Variants in DGCR2 observed in about 807,000 individuals in gnomAD.
DGCR2 encodes DiGeorge syndrome critical region gene 2, also known as integral membrane protein DGCR2/IDD.
A neutral mutation model predicts 51.6 loss-of-function variants in DGCR2; 24 were observed. That is an observed-to-expected ratio of 0.47 (90% CI 0.34 to 0.65). The LOEUF is 0.65. Ranked by LOEUF, DGCR2 falls within the 30% of genes least tolerant of loss-of-function variation. The pLI is 0.01. For synonymous variants in DGCR2, 340 were observed against 315.4 expected, an observed-to-expected ratio of 1.08 and a Z score of -0.82; for missense variants, 765 against 772.1, an observed-to-expected ratio of 0.99 and a Z score of 0.11.
Position 19,062,779 on chromosome 22 carries a change from A to ACTCGCTCACTCTCTCTCTCTCTCTCTCT in DGCR2, c.625+422_625+423insAGAGAGAGAGAGAGAGAGAGTGAGCGAG, listed in dbSNP as rs2082688729. Among the ~76,000 whole-genome samples, 3 of 127,354 alleles carry ACTCGCTCACTCTCTCTCTCTCTCTCTCT rather than the reference A, an allele frequency of 2.4e-5. 1 individual carries two copies. In the South Asian group the frequency reaches 8.6e-4, roughly 37 times the overall value. The allele number at this position is 127,354 out of a possible 152,430, so 83.5% of individuals were successfully genotyped here. On this transcript the variant is annotated intron_variant, in intron 5 of 9. Transcript: ENST00000263196. ...TGCGCACACACACACATGCATGCTCACTCTCTCTCTCTCTCTCTCTCTCTC... is the reference window on the plus strand; with the variant it reads ...TGCGCACACACACACATGCATGCTCACTCGCTCACTCTCTCTCTCTCTCTCTCTCTCTCTCTCTCTCTCTCTCTCTCTC...
At chr22:19,065,289 C>T (rs1041627185) in intron 3 of DGCR2, 6 of 561,304 alleles carry the variant, frequency 1.1e-5, no homozygotes, top group Non-Finnish European at 1.9e-5. Flanking sequence ...GTGACTCTTC[C>T]CATTTCTATA....
At chr22:19,105,090 A>G (rs1174481569) in intron 1 of DGCR2, among the ~76,000 whole-genome samples, 2 of 152,194 alleles carry the variant, frequency 1.3e-5, no homozygotes, top group Non-Finnish European at 2.9e-5. Context: ...TGAGAGGCTA[A>G]GGCGGGTGGA....
chr22:19,100,757 A>C (rs1050927239), intron 1 of DGCR2, among the ~76,000 whole-genome samples: 1 of 152,110 alleles, frequency 6.6e-6, no homozygotes, highest in African/African-American at 2.4e-5. Context: ...GACCCCAAAG[A>C]GCTTTTATTT....
intron 1 of DGCR2, among the ~76,000 whole-genome samples, chr22:19,119,443 TA>T (rs1239955288): frequency 6.6e-6 from 1 of 151,282 alleles, no homozygotes; most frequent in South Asian, 2.1e-4. Context: ...AATGTGCACT[TA>T]AAAAAAAATT....
intron 9 of DGCR2, among the ~76,000 whole-genome samples, chr22:19,039,471 A>C (rs926409539): frequency 2.0e-5 from 3 of 152,220 alleles, no homozygotes; most frequent in African/African-American, 7.2e-5. Flanking sequence ...AAACCGTCTC[A>C]GACTCAGTAA....
intron 2 of DGCR2, among the ~76,000 whole-genome samples, chr22:19,077,334 C>T (rs1249590311): frequency 6.6e-6 from 1 of 152,118 alleles, no homozygotes; most frequent in African/African-American, 2.4e-5. Flanking sequence ...TAAATTTAAG[C>T]CTGATCCATT....
chr22:19,036,719 G>C lies in DGCR2; in HGVS notation c.*2146C>G, dbSNP rs2082373106. On this transcript the variant is annotated 3_prime_UTR_variant, in exon 10 of 10. Coordinates refer to ENST00000263196, the MANE Select transcript of DGCR2 (RefSeq NM_005137.3). The stretch of plus-strand genomic sequence containing the variant: ...GTGGACCTTCTGCCTGGCCCAACGT[G>C]CCAGTGGCCTGAGTGCTTGTGGAGG... 6.7e-6 allele frequency: 1 copy of C among 149,518 alleles called. No individual in the cohort carries two copies. The highest frequency in any genetic ancestry group is 2.1e-4 in the South Asian group (1 of 4,782). The allele number at this position is 149,518 out of a possible 1,614,324, so 9.3% of individuals were successfully genotyped here.
chr22:19,089,485 G>T lies in DGCR2; in HGVS notation c.85C>A (p.Arg29=), dbSNP rs369051568. The change falls in exon 2 of 10, where the codon CGG becomes AGG. Residue 29 remains arginine (R), a synonymous_variant. Transcript: ENST00000263196. ...CACGCAAACTGCCCAGGGTTGCACC[G>T]CAGCTCTGTGGGACCAAAGGGTGAG... ...TVTEPLRPEL[R]CNPGQFACRS... 2 of 1,575,522 alleles carry T rather than the reference G, an allele frequency of 1.3e-6. No individual in the cohort carries two copies.
chr22:19,041,350 C>T (rs1322218076), intron 8 of DGCR2, 56 bp from the exon 9 acceptor site: 25 of 1,557,862 alleles, frequency 1.6e-5, no homozygotes, highest in Non-Finnish European at 2.1e-5. Context: ...GGGCAGGCTG[C>T]CTGGCTCCTG....
intron 2 of DGCR2, among the ~76,000 whole-genome samples, chr22:19,069,990 G>C (rs1021619380): frequency 1.3e-5 from 2 of 152,136 alleles, no homozygotes; most frequent in Non-Finnish European, 2.9e-5. Flanking sequence ...GTGTCTTTGG[G>C]GTACTTTACC....
At chr22:19,088,512 G>C (rs761369259) in intron 2 of DGCR2, among the ~76,000 whole-genome samples, 2 of 152,192 alleles carry the variant, frequency 1.3e-5, no homozygotes, top group Non-Finnish European at 2.9e-5. Flanking sequence ...AGCCACTGAA[G>C]GGGAAGTAGT....
At chr22:19,066,716 C>T (rs1197117526) in intron 3 of DGCR2, among the ~76,000 whole-genome samples, 3 of 152,166 alleles carry the variant, frequency 2.0e-5, no homozygotes, top group Non-Finnish European at 4.4e-5. Context: ...CTGGCTGGGG[C>T]ATGGAGGGAG....
chr22:19,120,960 G>C (rs1186091456), intron 1 of DGCR2, among the ~76,000 whole-genome samples: 2 of 152,230 alleles, frequency 1.3e-5, no homozygotes, highest in African/African-American at 4.8e-5. Flanking sequence ...AAGCATCACT[G>C]AATCTGTCCA....
intron 6 of DGCR2, among the ~76,000 whole-genome samples, chr22:19,054,429 T>A (rs2082579791): frequency 6.6e-6 from 1 of 152,240 alleles, no homozygotes; most frequent in Non-Finnish European, 1.5e-5. Context: ...TATACCTAAA[T>A]TAACAAGTTA....
At chr22:19,112,304 A>T (rs200453442) in intron 1 of DGCR2, among the ~76,000 whole-genome samples, 26,489 of 151,210 alleles carry the variant, frequency 0.18, 2,507 homozygotes, top group South Asian at 0.29. Context: ...CTAGGAAAAT[A>T]ATAAAACCGT....
At chr22:19,044,546 A>G (rs932735434) in intron 7 of DGCR2, among the ~76,000 whole-genome samples, 2 of 152,200 alleles carry the variant, frequency 1.3e-5, no homozygotes, top group Non-Finnish European at 2.9e-5. Flanking sequence ...ACACCTCACC[A>G]TGCCTCTGGG....
rs760652585 is a variant in DGCR2 at position 19,064,879 on chromosome 22, C to A, written c.517G>T (p.Glu173Ter). The A allele has an allele frequency of 6.2e-7, 1 of 1,613,844 alleles. No individual in the cohort carries two copies. The highest frequency in any genetic ancestry group is 8.5e-7 in the Non-Finnish European group (1 of 1,179,996). ...FVLAQEWDQPERSFGWKDQRK... is the reference protein window; with the variant it reads ...FVLAQEWDQP ...TGGTCCTTCCAACCAAAGCTCCGCT[C>A]GGGCTGGTCCCATTCCTGGGCCAGG... Residue 173 changes from glutamate to a stop codon, truncating the protein, a stop_gained, in exon 4 of 10, where the codon GAG becomes TAG. Transcript: ENST00000263196. LOFTEE classifies it high-confidence loss of function.
At chr22:19,087,886 T>C (rs527737524) in intron 2 of DGCR2, among the ~76,000 whole-genome samples, 1 of 152,264 alleles carries the variant, frequency 6.6e-6, no homozygotes, top group Non-Finnish European at 1.5e-5. Flanking sequence ...GGTTTCACTA[T>C]GTTGGCCAAG....
In DGCR2 at chr22:19,065,022, G is replaced by A. The variant is rs775027822; in HGVS notation, c.374C>T (p.Thr125Met). Residue 125 changes from threonine (T) to methionine (M), a missense_variant, in exon 4 of 10, where the codon ACG becomes ATG. Physicochemically the swap from Thr to Met is moderately conservative, Grantham distance 81. Around this residue, in one of 3 missense-constraint regions of DGCR2, gnomAD observed 370 missense variants for 325.5 expected, o/e 1.14. Coordinates refer to ENST00000263196, the MANE Select transcript of DGCR2 (RefSeq NM_005137.3). The stretch of plus-strand genomic sequence containing the variant: ...CAGGTAGACCCGGTAGCAGCTGGCC[G>A]TGCCTTCGTAGTGGTGCCACCCTGT... ...CPTGWHHYEG[T>M]ASCYRVYLSG... 3.7e-6 allele frequency: 6 copies of A among 1,614,060 alleles called. No individual in the cohort carries two copies. Among genetic ancestry groups the A allele is most frequent in the East Asian group, 2.2e-5 (1 of 44,882 alleles).
Sources: gnomAD v4.1 joint callset for allele counts (sites outside exome capture counted in the v4.1 genomes callset) on GRCh38, gnomAD v4.1.1 for gene constraint, gnomAD v4.1.1 regional missense constraint, MANE v1.5 for transcripts, NCBI Gene and HGNC (gene_info 2026-07-23, HGNC 2026-07-21) for gene names.